ZEB1: variants seen among roughly 807,000 people sequenced by gnomAD.
ZEB1 encodes the protein zinc finger E-box-binding homeobox 1.
A neutral mutation model predicts 84.9 loss-of-function variants in ZEB1; 21 were observed. The ratio of observed to expected loss-of-function variants is 0.25; its 90% CI spans 0.18 to 0.36. The LOEUF (loss-of-function observed/expected upper bound fraction) is 0.36. Among genes scored for constraint, ZEB1 ranks in the 10% least tolerant of loss-of-function variants. The probability of loss-of-function intolerance (pLI) is 1.00; values close to 1 mark genes in which losing one functional copy is unlikely to be tolerated. For missense variants in ZEB1, 1,104 were observed against 1,330.2 expected, an observed-to-expected ratio of 0.83 and a Z score of 2.65; for synonymous variants, 420 against 471.1, an observed-to-expected ratio of 0.89 and a Z score of 1.41.
chr10:31,362,262 C>T (rs1250159192), intron 1 of ZEB1, among the ~76,000 whole-genome samples: 2 of 150,310 alleles, frequency 1.3e-5, no homozygotes, highest in African/African-American at 2.5e-5. Flanking sequence ...AGAGGCGGCG[C>T]TCCTCCTCAA....
chr10:31,386,079 T>C (rs1240596549), intron 1 of ZEB1, among the ~76,000 whole-genome samples: 1 of 152,012 alleles, frequency 6.6e-6, no homozygotes, highest in African/African-American at 2.4e-5. Context: ...AGACAACCAT[T>C]TTATCACTTT....
chr10:31,336,011 A>G (rs907355087), intron 1 of ZEB1, among the ~76,000 whole-genome samples: 2 of 152,170 alleles, frequency 1.3e-5, no homozygotes, highest in Non-Finnish European at 2.9e-5. Context: ...TAAATCTAAC[A>G]ACGTGCTCAA....
intron 1 of ZEB1, among the ~76,000 whole-genome samples, chr10:31,435,864 G>A (rs1478510585): frequency 3.9e-5 from 6 of 152,176 alleles, no homozygotes; most frequent in African/African-American, 1.4e-4. Context: ...GGAAACAAGG[G>A]ACCAATGACA....
chr10:31,431,246 A>G (rs1424162640), intron 1 of ZEB1, among the ~76,000 whole-genome samples: 1 of 152,192 alleles, frequency 6.6e-6, no homozygotes, highest in Non-Finnish European at 1.5e-5. Flanking sequence ...AGAAGTCCAC[A>G]TACCTCTCCT....
At chr10:31,461,631 A>C (rs748248475) in intron 2 of ZEB1, among the ~76,000 whole-genome samples, 8 of 152,134 alleles carry the variant, frequency 5.3e-5, no homozygotes, top group Non-Finnish European at 1.0e-4. Flanking sequence ...TAAATCATGG[A>C]GGTATTTTTA....
At chr10:31,344,813 A>G (rs2040013941) in intron 1 of ZEB1, among the ~76,000 whole-genome samples, 1 of 152,104 alleles carries the variant, frequency 6.6e-6, no homozygotes, top group South Asian at 2.1e-4. Context: ...GAACATATTA[A>G]GGTGGACTCC....
chr10:31,469,019 G>A (rs921854877), intron 2 of ZEB1, among the ~76,000 whole-genome samples: 6 of 152,098 alleles, frequency 3.9e-5, no homozygotes, highest in African/African-American at 1.4e-4. Context: ...GAAAACCAAA[G>A]CAACTAGAGA....
At chr10:31,366,620 T>C (rs564596129) in intron 1 of ZEB1, among the ~76,000 whole-genome samples, 1 of 152,330 alleles carries the variant, frequency 6.6e-6, no homozygotes, top group African/African-American at 2.4e-5. Context: ...TGTTGGCAAA[T>C]ATTCAACGTA....
intron 1 of ZEB1, among the ~76,000 whole-genome samples, chr10:31,403,100 G>C (rs1050760509): frequency 1.3e-5 from 2 of 152,034 alleles, no homozygotes; most frequent in African/African-American, 4.8e-5. Context: ...GAATTAGCTT[G>C]AATTCAAATA....
At chr10:31,448,768 A>T (rs7096282) in intron 1 of ZEB1, among the ~76,000 whole-genome samples, 2 of 151,742 alleles carry the variant, frequency 1.3e-5, no homozygotes, top group Non-Finnish European at 2.9e-5. Context: ...CAGTCTGCCC[A>T]TTCTCAGATC....
intron 2 of ZEB1, among the ~76,000 whole-genome samples, chr10:31,483,665 A>G (rs2065353214): frequency 1.3e-5 from 2 of 152,156 alleles, no homozygotes; most frequent in South Asian, 4.2e-4. Flanking sequence ...GTAAAACAGC[A>G]AAAAGAAAAA....
intron 1 of ZEB1, among the ~76,000 whole-genome samples, chr10:31,336,977 A>G (rs924898701): frequency 6.6e-6 from 1 of 152,196 alleles, no homozygotes; most frequent in African/African-American, 2.4e-5. Context: ...TCTTAGAGAA[A>G]TCTCTATACA....
intron 1 of ZEB1, among the ~76,000 whole-genome samples, chr10:31,432,721 T>C (rs2057865141): frequency 6.6e-6 from 1 of 152,200 alleles, no homozygotes; most frequent in Admixed American, 6.5e-5. Context: ...CAGAGTGCTT[T>C]TGACTATGTG....
At chr10:31,506,081 T>G (rs2068929436) in intron 4 of ZEB1, among the ~76,000 whole-genome samples, 1 of 152,034 alleles carries the variant, frequency 6.6e-6, no homozygotes, top group Non-Finnish European at 1.5e-5. Context: ...TTTCCAAAGT[T>G]CCTCTTATTA....
intron 1 of ZEB1, among the ~76,000 whole-genome samples, chr10:31,439,988 G>A (rs941337773): frequency 1.3e-5 from 2 of 152,156 alleles, no homozygotes; most frequent in African/African-American, 4.8e-5. Flanking sequence ...GTGGCAGCAC[G>A]GAGACCAGAT....
chr10:31,526,129 T>G (rs1298964775), intron 8 of ZEB1, among the ~76,000 whole-genome samples: 1 of 152,232 alleles, frequency 6.6e-6, no homozygotes, highest in Non-Finnish European at 1.5e-5. Context: ...GGCAAAAAAG[T>G]CTGAGATACT....
chr10:31,474,460 A>G (rs2063766025), intron 2 of ZEB1, among the ~76,000 whole-genome samples: 2 of 152,198 alleles, frequency 1.3e-5, no homozygotes, highest in Non-Finnish European at 2.9e-5. Flanking sequence ...ACATGAAAAA[A>G]TGCTCATCAT....
intron 1 of ZEB1, among the ~76,000 whole-genome samples, chr10:31,453,016 A>T (rs1001732865): frequency 6.6e-6 from 1 of 152,152 alleles, no homozygotes; most frequent in East Asian, 1.9e-4. Context: ...TGCTTATCTG[A>T]TATATGTGGA....
At chr10:31,438,941 T>G (rs528242882) in intron 1 of ZEB1, among the ~76,000 whole-genome samples, 4 of 152,210 alleles carry the variant, frequency 2.6e-5, no homozygotes, top group Non-Finnish European at 5.9e-5. Context: ...CCCAGTTCAG[T>G]TTTCTAAAGT....
Sources: gnomAD v4.1 joint callset for allele counts (sites outside exome capture counted in the v4.1 genomes callset) on GRCh38, gnomAD v4.1.1 for gene constraint, MANE v1.5 for transcripts, NCBI Gene and HGNC (gene_info 2026-07-23, HGNC 2026-07-21) for gene names.